Variants in FBXW11 observed in about 807,000 individuals in gnomAD.
FBXW11 encodes the protein F-box and WD repeat domain containing 11, also known as F-box/WD repeat-containing protein 11.
FBXW11 carries 19 observed loss-of-function variants against 77.6 expected under a neutral mutation model. That is an observed-to-expected ratio of 0.24 (90% CI 0.17 to 0.36). The LOEUF is 0.36. FBXW11 is among the 10% of genes least tolerant of loss of function. The pLI is 1.00. For missense variants in FBXW11, 334 were observed against 704.2 expected, an observed-to-expected ratio of 0.47 and a Z score of 5.95; for synonymous variants, 235 against 249.4, an observed-to-expected ratio of 0.94 and a Z score of 0.54.
chr5:171,987,036 C>A (rs187842015), intron 1 of FBXW11, among the ~76,000 whole-genome samples: 9 of 152,176 alleles, frequency 5.9e-5, no homozygotes, highest in African/African-American at 9.7e-5. Context: ...CTGTGAACTG[C>A]GCATGTGAGG....
intron 2 of FBXW11, among the ~76,000 whole-genome samples, chr5:171,924,002 T>C (rs1450219786): frequency 1.6e-5 from 2 of 126,786 alleles, no homozygotes; most frequent in African/African-American, 5.9e-5. Flanking sequence ...CTCAGCTCAC[T>C]GCAACCTCCG....
chr5:171,891,194 C>T (rs1759322591), intron 7 of FBXW11, among the ~76,000 whole-genome samples: 1 of 151,962 alleles, frequency 6.6e-6, no homozygotes, highest in African/African-American at 2.4e-5. Flanking sequence ...TAATCAAGAG[C>T]CCTGTGATAC....
intron 2 of FBXW11, among the ~76,000 whole-genome samples, chr5:171,953,367 T>C (rs933807756): frequency 6.6e-6 from 1 of 152,104 alleles, no homozygotes; most frequent in Non-Finnish European, 1.5e-5. Flanking sequence ...GTTCACATTA[T>C]CAGACCCAGA....
intron 4 of FBXW11, among the ~76,000 whole-genome samples, chr5:171,902,327 G>A (rs1760181189): frequency 6.6e-6 from 1 of 152,170 alleles, no homozygotes; most frequent in Non-Finnish European, 1.5e-5. Context: ...CTTACATGTT[G>A]ACACTAGCTG....
intron 6 of FBXW11, among the ~76,000 whole-genome samples, chr5:171,894,888 G>T (rs892133548): frequency 5.9e-5 from 9 of 152,120 alleles, no homozygotes; most frequent in Admixed American, 3.3e-4. Context: ...TATGGTGCCA[G>T]CAAATGGTAG....
chr5:171,876,002 C>G lies in FBXW11; in HGVS notation c.1221+283G>C, dbSNP rs756250547. On this transcript the variant is annotated intron_variant, in intron 9 of 13. Transcript: ENST00000517395. This position sits in a 1 kb window ranked among gnomAD's most constrained non-coding sequence, Gnocchi z 4.2. ...TGAGACCATAATGTAAAGCTCCCAA[C>G]ACACAATACATGATCAACACGTTAG... Among the ~76,000 whole-genome samples the G allele has an allele frequency of 6.6e-6, 1 of 152,158 alleles. No individual in the cohort carries two copies. Among genetic ancestry groups the G allele is most frequent in the Non-Finnish European group, 1.5e-5 (1 of 68,034 alleles).
intron 2 of FBXW11, among the ~76,000 whole-genome samples, chr5:171,937,170 A>C (rs1307651024): frequency 6.6e-6 from 1 of 152,238 alleles, no homozygotes; most frequent in East Asian, 1.9e-4. Flanking sequence ...CAATAACCCC[A>C]CAAGAAAATT....
chr5:171,887,289 G>A (rs972205930), intron 7 of FBXW11, among the ~76,000 whole-genome samples: 44 of 151,994 alleles, frequency 2.9e-4, no homozygotes, highest in African/African-American at 1.1e-3. Context: ...ATACATATAG[G>A]AAACCAACAG....
At chr5:171,955,884 T>C (rs1763583744) in intron 2 of FBXW11, among the ~76,000 whole-genome samples, 1 of 152,174 alleles carries the variant, frequency 6.6e-6, no homozygotes, top group Non-Finnish European at 1.5e-5. Flanking sequence ...AAGGAACTTT[T>C]AACAAATTTG....
At chr5:171,952,922 A>G (rs1429821956) in intron 2 of FBXW11, among the ~76,000 whole-genome samples, 2 of 151,612 alleles carry the variant, frequency 1.3e-5, no homozygotes, top group East Asian at 3.9e-4. Flanking sequence ...TTTTATGTGT[A>G]GTCCAAGACA....
At chr5:171,971,522 C>T (rs1013772797) in intron 1 of FBXW11, among the ~76,000 whole-genome samples, 1 of 152,108 alleles carries the variant, frequency 6.6e-6, no homozygotes, top group African/African-American at 2.4e-5. Flanking sequence ...AATCTTCCTA[C>T]ACTGTATATG....
chr5:172,001,982 A>G (rs1196643540), intron 1 of FBXW11, among the ~76,000 whole-genome samples: 1 of 152,246 alleles, frequency 6.6e-6, no homozygotes, highest in African/African-American at 2.4e-5. Context: ...AAGCAAGGAA[A>G]GTAGGCAGAA....
chr5:171,951,788 G>A (rs937023512), intron 2 of FBXW11, among the ~76,000 whole-genome samples: 5 of 151,976 alleles, frequency 3.3e-5, no homozygotes, highest in African/African-American at 9.7e-5. Context: ...TTAATTTCTT[G>A]AAGCTTGTTT....
intron 4 of FBXW11, among the ~76,000 whole-genome samples, chr5:171,905,594 C>CG (rs796343062): frequency 4.9e-5 from 5 of 101,212 alleles, no homozygotes; most frequent in Non-Finnish European, 1.3e-4. Flanking sequence ...AGCTAACCCC[C>CG]CCCCCTTTAT....
At chr5:171,989,396 C>T (rs1437889805) in intron 1 of FBXW11, among the ~76,000 whole-genome samples, 1 of 152,236 alleles carries the variant, frequency 6.6e-6, no homozygotes, top group African/African-American at 2.4e-5. Context: ...GTTAGCATTG[C>T]TCATAACGGG....
chr5:171,899,798 C>T lies in FBXW11; in HGVS notation c.623+116G>A, dbSNP rs1759994278. ...CTTCCAACTTTTGACCACTCATTTTCCCCCCTTTTTAAAAATAGGCCAGCA... is the reference window on the plus strand; with the variant it reads ...CTTCCAACTTTTGACCACTCATTTTTCCCCCTTTTTAAAAATAGGCCAGCA... On this transcript the variant is annotated intron_variant, in intron 5 of 13. Coordinates refer to ENST00000517395, the MANE Select transcript of FBXW11 (RefSeq NM_001378974.1). 3.3e-6 allele frequency: 3 copies of T among 897,046 alleles called. No homozygotes were observed. The South Asian group carries it at 6.1e-5, about 18-fold the overall frequency. The allele number at this position is 897,046 out of a possible 1,614,324, so 55.6% of individuals were successfully genotyped here. A position where few individuals can be genotyped will look rare whatever the true frequency, so the allele number is the denominator to read the frequency against.
chr5:171,981,016 C>T lies in FBXW11; in HGVS notation c.46-23318G>A, dbSNP rs1449316821. ...GAACCATGATCCAAATTTTCACTGCCCCCACCACCATCTCCGGGAAAAGGA... is the reference window on the plus strand; with the variant it reads ...GAACCATGATCCAAATTTTCACTGCTCCCACCACCATCTCCGGGAAAAGGA... On this transcript the variant is annotated intron_variant, in intron 1 of 13. Coordinates refer to ENST00000517395, the MANE Select transcript of FBXW11 (RefSeq NM_001378974.1). Among the ~76,000 whole-genome samples, 3 of 152,010 alleles carry T rather than the reference C, an allele frequency of 2.0e-5. No individual in the cohort carries two copies. The South Asian group carries it at 6.2e-4, about 32-fold the overall frequency.
chr5:171,983,106 C>T (rs1765240507), intron 1 of FBXW11, among the ~76,000 whole-genome samples: 2 of 152,114 alleles, frequency 1.3e-5, no homozygotes, highest in African/African-American at 4.8e-5. Flanking sequence ...GGCAGGATTG[C>T]TTAAGCCCGA....
intron 2 of FBXW11, among the ~76,000 whole-genome samples, chr5:171,915,087 A>T (rs1275952553): frequency 6.6e-6 from 1 of 152,156 alleles, no homozygotes; most frequent in Non-Finnish European, 1.5e-5. Context: ...TTAACTAGAG[A>T]TTATACATGA....
Sources: allele counts gnomAD v4.1 joint callset (sites outside exome capture counted in the v4.1 genomes callset), GRCh38; gene constraint gnomAD v4.1.1; non-coding constraint Gnocchi (gnomAD v3.1); transcripts MANE v1.5; gene names NCBI Gene and HGNC (gene_info 2026-07-23, HGNC 2026-07-21).